KCNQ5: variants seen among roughly 807,000 people sequenced by gnomAD.
KCNQ5 encodes potassium voltage-gated channel subfamily KQT member 5.
KCNQ5 carries 30 observed loss-of-function variants against 98.2 expected under a neutral mutation model. That is an observed-to-expected ratio of 0.31 (90% CI 0.23 to 0.41). The LOEUF is 0.41. Among genes scored for constraint, KCNQ5 ranks in the 10% least tolerant of loss-of-function variants. KCNQ5 has a pLI of 1.00. For synonymous variants in KCNQ5, 458 were observed against 449.4 expected, an observed-to-expected ratio of 1.02 and a Z score of -0.24; for missense variants, 835 against 1,182.5, an observed-to-expected ratio of 0.71 and a Z score of 4.31.
At chr6:72,888,759 G>A (rs1778945788) in intron 1 of KCNQ5, among the ~76,000 whole-genome samples, 1 of 152,100 alleles carries the variant, frequency 6.6e-6, no homozygotes, top group African/African-American at 2.4e-5. Flanking sequence ...CCAAATATAG[G>A]GGTGTCTTAC....
At chr6:72,998,315 T>C (rs1156253565) in intron 1 of KCNQ5, among the ~76,000 whole-genome samples, 1 of 152,238 alleles carries the variant, frequency 6.6e-6, no homozygotes, top group Non-Finnish European at 1.5e-5. Flanking sequence ...ACTTAAAGTT[T>C]ATGAAAAGTC....
At chr6:72,799,330 G>A (rs1774510661) in intron 1 of KCNQ5, among the ~76,000 whole-genome samples, 1 of 152,136 alleles carries the variant, frequency 6.6e-6, no homozygotes. Flanking sequence ...TTTGCTTAAA[G>A]TCAACTGATT....
chr6:72,654,142 G>A (rs2154472530), intron 1 of KCNQ5, among the ~76,000 whole-genome samples: 2 of 152,010 alleles, frequency 1.3e-5, no homozygotes, highest in South Asian at 2.1e-4. Flanking sequence ...GGGAAATACA[G>A]AGAAATGACA....
intron 1 of KCNQ5, among the ~76,000 whole-genome samples, chr6:72,699,536 G>C (rs1461717139): frequency 6.6e-6 from 1 of 151,962 alleles, no homozygotes; most frequent in African/African-American, 2.4e-5. Context: ...TATCCTACTT[G>C]GCTGCTTATA....
At chr6:73,133,344 G>A in intron 9 of KCNQ5, 77 bp from the exon 10 acceptor site, 2 of 1,222,902 alleles carry the variant, frequency 1.6e-6, no homozygotes, top group Non-Finnish European at 2.4e-6. Context: ...GACCACATGA[G>A]CTTCATCAAA....
intron 1 of KCNQ5, among the ~76,000 whole-genome samples, chr6:72,688,109 T>C (rs1768046572): frequency 6.6e-6 from 1 of 152,216 alleles, no homozygotes; most frequent in Non-Finnish European, 1.5e-5. Context: ...TACTGATCAC[T>C]TTTTAAAGTG....
At chr6:72,715,973 G>C (rs1769626958) in intron 1 of KCNQ5, among the ~76,000 whole-genome samples, 2 of 151,936 alleles carry the variant, frequency 1.3e-5, no homozygotes, top group Admixed American at 1.3e-4. Context: ...ACTCTAATAA[G>C]CTTTCTACTT....
intron 1 of KCNQ5, among the ~76,000 whole-genome samples, chr6:72,634,562 TTTTG>T (rs1258680915): frequency 6.6e-6 from 1 of 152,162 alleles, no homozygotes; most frequent in African/African-American, 2.4e-5. Flanking sequence ...GTTTGTTTGC[TTTTG>T]TTTGTTTGTT....
At chr6:72,743,107 C>T (rs1247733375) in intron 1 of KCNQ5, among the ~76,000 whole-genome samples, 1 of 152,066 alleles carries the variant, frequency 6.6e-6, no homozygotes, top group Non-Finnish European at 1.5e-5. Flanking sequence ...ATCATTTTAA[C>T]CATTTTAGGT....
At chr6:72,775,605 G>C (rs577157339) in intron 1 of KCNQ5, among the ~76,000 whole-genome samples, 2 of 152,126 alleles carry the variant, frequency 1.3e-5, no homozygotes, top group African/African-American at 4.8e-5. Flanking sequence ...AGTGGAGAAG[G>C]CTGGCAAACG....
chr6:72,722,119 G>A lies in KCNQ5; in HGVS notation c.398+99532G>A, dbSNP rs1294242876. The stretch of plus-strand genomic sequence containing the variant: ...ATCCTGAGCTAAGGAAGTTGAAAAA[G>A]GAAGGGAAACTGATTCTCCTTTCAG... On this transcript the variant is annotated intron_variant, in intron 1 of 13. Coordinates refer to ENST00000370398, the MANE Select transcript of KCNQ5 (RefSeq NM_019842.4). Among the ~76,000 whole-genome samples the A allele has an allele frequency of 2.6e-5, 4 of 152,132 alleles. No homozygotes were observed. The South Asian group carries it at 8.3e-4, about 32-fold the overall frequency.
chr6:72,998,661 C>T (rs577755274), intron 1 of KCNQ5, among the ~76,000 whole-genome samples: 24 of 151,648 alleles, frequency 1.6e-4, no homozygotes, highest in African/African-American at 5.6e-4. Context: ...GGCGTGAACC[C>T]GGGAGAAGGA....
intron 10 of KCNQ5, among the ~76,000 whole-genome samples, chr6:73,144,572 G>T (rs927603258): frequency 6.6e-6 from 1 of 152,172 alleles, no homozygotes; most frequent in Admixed American, 6.5e-5. Flanking sequence ...ATTGAAAAAT[G>T]TCATGACCCT....
intron 1 of KCNQ5, among the ~76,000 whole-genome samples, chr6:72,900,026 TG>T (rs1262710198): frequency 6.6e-6 from 1 of 152,050 alleles, no homozygotes; most frequent in Non-Finnish European, 1.5e-5. Context: ...TTAGTAGAGA[TG>T]GGGTTTCACC....
chr6:72,624,737 A>G (rs1226336258), intron 1 of KCNQ5, among the ~76,000 whole-genome samples: 1 of 152,228 alleles, frequency 6.6e-6, no homozygotes, highest in African/African-American at 2.4e-5. Context: ...TGAAACTGCA[A>G]TGCCTCAGCA....
At chr6:72,867,964 C>CTAA (rs1416700992) in intron 1 of KCNQ5, among the ~76,000 whole-genome samples, 204 of 150,850 alleles carry the variant, frequency 1.4e-3, no homozygotes, top group Middle Eastern at 3.4e-3. Context: ...ACTACTACTA[C>CTAA]TACTACTAAT....
intron 10 of KCNQ5, among the ~76,000 whole-genome samples, chr6:73,164,717 G>A (rs185192320): frequency 9.9e-5 from 15 of 152,042 alleles, no homozygotes; most frequent in African/African-American, 2.4e-4. Flanking sequence ...CAAAATTAAA[G>A]GACTCTATAT....
At chr6:73,150,996 A>G (rs948875803) in intron 10 of KCNQ5, among the ~76,000 whole-genome samples, 46 of 152,094 alleles carry the variant, frequency 3.0e-4, no homozygotes, top group African/African-American at 1.0e-3. Flanking sequence ...AAATGTCTAT[A>G]TCTTGACTGG....
intron 5 of KCNQ5, among the ~76,000 whole-genome samples, chr6:73,094,140 C>T (rs1468611977): frequency 6.6e-6 from 1 of 152,106 alleles, no homozygotes; most frequent in East Asian, 1.9e-4. Context: ...TGGACTAGGC[C>T]TTTTATCATT....
Sources: gnomAD v4.1 joint callset for allele counts (sites outside exome capture counted in the v4.1 genomes callset) on GRCh38, gnomAD v4.1.1 for gene constraint, MANE v1.5 for transcripts, NCBI Gene and HGNC (gene_info 2026-07-23, HGNC 2026-07-21) for gene names.